Variants in CSMD1 observed in about 807,000 individuals in gnomAD.
CSMD1 encodes CUB and sushi domain-containing protein 1.
CSMD1 carries 213 observed loss-of-function variants against 417.5 expected under a neutral mutation model. The ratio of observed to expected loss-of-function variants is 0.51; its 90% CI spans 0.46 to 0.57. CSMD1 has a LOEUF of 0.57. Among genes scored for constraint, CSMD1 ranks in the 20% least tolerant of loss-of-function variants. CSMD1 has a pLI of 0.00. For synonymous variants in CSMD1, 2,862 were observed against 1,736.8 expected, an observed-to-expected ratio of 1.65 and a Z score of -16.11; for missense variants, 6,923 against 4,529.7, an observed-to-expected ratio of 1.53 and a Z score of -15.17.
intron 1 of CSMD1, among the ~76,000 whole-genome samples, chr8:4,788,760 A>T (rs192985089): frequency 9.9e-5 from 15 of 151,358 alleles, no homozygotes; most frequent in Non-Finnish European, 1.6e-4. Flanking sequence ...TAAAAAAAAT[A>T]AAAAAAAATA....
chr8:3,353,070 T>C (rs67192717), intron 21 of CSMD1, among the ~76,000 whole-genome samples: 26,773 of 152,036 alleles, frequency 0.18, 2,366 homozygotes, highest in Middle Eastern at 0.25. Flanking sequence ...GAAGGTGCAA[T>C]AATTATACTA....
intron 1 of CSMD1, among the ~76,000 whole-genome samples, chr8:4,852,493 G>T (rs904331564): frequency 6.6e-6 from 1 of 152,176 alleles, no homozygotes. Context: ...CTCATCTACA[G>T]GTCAGCCAAT....
At chr8:3,974,493 GTATT>G (rs1000948875) in intron 5 of CSMD1, among the ~76,000 whole-genome samples, 4 of 152,088 alleles carry the variant, frequency 2.6e-5, no homozygotes, top group South Asian at 4.1e-4. Flanking sequence ...CAGAAAAAAA[GTATT>G]TATTTTTAAA....
intron 37 of CSMD1, among the ~76,000 whole-genome samples, chr8:3,167,588 G>A (rs892665451): frequency 3.3e-5 from 5 of 152,156 alleles, no homozygotes; most frequent in African/African-American, 1.2e-4. Flanking sequence ...GTTAAAATTT[G>A]GACATTTACA....
intron 1 of CSMD1, among the ~76,000 whole-genome samples, chr8:4,933,348 C>A (rs1366827900): frequency 6.6e-6 from 1 of 152,098 alleles, no homozygotes; most frequent in African/African-American, 2.4e-5. Flanking sequence ...AATATAGTAT[C>A]CCCCATTTTG....
chr8:3,860,674 T>C (rs1158767910), intron 5 of CSMD1, among the ~76,000 whole-genome samples: 1 of 152,192 alleles, frequency 6.6e-6, no homozygotes, highest in African/African-American at 2.4e-5. Flanking sequence ...ATTTTTCTTA[T>C]TCTTAAGACC....
intron 3 of CSMD1, among the ~76,000 whole-genome samples, chr8:4,215,896 A>G (rs545073957): frequency 2.6e-5 from 4 of 152,248 alleles, no homozygotes; most frequent in African/African-American, 4.8e-5. Context: ...GGACAAAAAA[A>G]TTAAACAAGA....
chr8:4,148,708 C>G (rs111239574), intron 3 of CSMD1, among the ~76,000 whole-genome samples: 21 of 152,124 alleles, frequency 1.4e-4, no homozygotes, highest in Non-Finnish European at 2.8e-4. Context: ...CAGCCCACAG[C>G]GAGGGCTCCA....
intron 19 of CSMD1, among the ~76,000 whole-genome samples, chr8:3,367,821 G>A (rs559768988): frequency 6.6e-6 from 1 of 152,246 alleles, no homozygotes; most frequent in South Asian, 2.1e-4. Context: ...AGAAAAACAG[G>A]TGAGAATGTT....
intron 26 of CSMD1, among the ~76,000 whole-genome samples, chr8:3,270,141 C>T (rs1357990194): frequency 6.6e-6 from 1 of 150,632 alleles, no homozygotes; most frequent in East Asian, 1.9e-4. Flanking sequence ...CCTCTGCCTC[C>T]CGGGTTCAAG....
At chr8:4,201,491 T>A (rs942261391) in intron 3 of CSMD1, among the ~76,000 whole-genome samples, 8 of 122,466 alleles carry the variant, frequency 6.5e-5, no homozygotes, top group Non-Finnish European at 1.1e-4. Flanking sequence ...TGAGCCGACA[T>A]AGCGCCACTG....
At chr8:4,678,508 T>A (rs1805835629) in intron 1 of CSMD1, among the ~76,000 whole-genome samples, 1 of 152,222 alleles carries the variant, frequency 6.6e-6, no homozygotes, top group African/African-American at 2.4e-5. Flanking sequence ...GTTCTTGAGT[T>A]ACTGTAGAAT....
chr8:4,621,435 C>G (rs547631816), intron 2 of CSMD1, among the ~76,000 whole-genome samples: 1 of 151,936 alleles, frequency 6.6e-6, no homozygotes, highest in Non-Finnish European at 1.5e-5. Flanking sequence ...ATAACTGTAC[C>G]TACACATTTA....
intron 1 of CSMD1, among the ~76,000 whole-genome samples, chr8:4,785,846 G>T (rs558733228): frequency 6.6e-5 from 10 of 152,144 alleles, no homozygotes; most frequent in South Asian, 2.1e-4. Flanking sequence ...AATGATTAAA[G>T]ATGTTCTTCA....
chr8:3,603,835 C>G (rs77751796), intron 8 of CSMD1, among the ~76,000 whole-genome samples: 3,438 of 152,232 alleles, frequency 0.023, 147 homozygotes, highest in African/African-American at 0.079. Flanking sequence ...CAATGATGTC[C>G]ATACTTTCTA....
intron 1 of CSMD1, among the ~76,000 whole-genome samples, chr8:4,970,763 C>G (rs181885628): frequency 2.0e-5 from 3 of 152,046 alleles, no homozygotes; most frequent in South Asian, 4.1e-4. Flanking sequence ...TTTGACAAAA[C>G]CAAACAAGGG....
intron 4 of CSMD1, among the ~76,000 whole-genome samples, chr8:4,012,393 C>T (rs917169400): frequency 5.3e-5 from 8 of 152,110 alleles, no homozygotes; most frequent in African/African-American, 1.9e-4. Context: ...TGATCTCATC[C>T]AGTTTGCGTC....
intron 3 of CSMD1, among the ~76,000 whole-genome samples, chr8:4,264,509 C>G (rs752091881): frequency 2.6e-5 from 4 of 152,214 alleles, no homozygotes; most frequent in African/African-American, 7.2e-5. Flanking sequence ...ATGTGTACCC[C>G]CCCTGAAGCT....
chr8:3,374,182 G>C (rs1415617695), intron 18 of CSMD1, among the ~76,000 whole-genome samples: 1 of 134,600 alleles, frequency 7.4e-6, no homozygotes, highest in Non-Finnish European at 1.6e-5. Context: ...TCGAACTCCT[G>C]ACCTCAAGTC....
Sources: allele counts gnomAD v4.1 joint callset (sites outside exome capture counted in the v4.1 genomes callset), GRCh38; gene constraint gnomAD v4.1.1; transcripts MANE v1.5; gene names NCBI Gene and HGNC (gene_info 2026-07-23, HGNC 2026-07-21).